ETS2: variants seen among roughly 807,000 people sequenced by gnomAD.
ETS2 encodes ETS proto-oncogene 2, transcription factor.
ETS2 carries 19 observed loss-of-function variants against 54.9 expected under a neutral mutation model. The ratio of observed to expected loss-of-function variants is 0.35; its 90% CI spans 0.24 to 0.51. ETS2 has a LOEUF of 0.51. Among genes scored for constraint, ETS2 ranks in the 20% least tolerant of loss-of-function variants. ETS2 has a pLI of 0.97. For synonymous variants in ETS2, 219 were observed against 229.3 expected (o/e 0.95, Z 0.41); for missense variants, 417 against 593.0 (o/e 0.70, Z 3.08).
chr21:38,821,529 T>G lies in ETS2; in HGVS notation c.1076-57T>G. 8.3e-7 allele frequency: 1 copy of G among 1,207,532 alleles called. No homozygotes were observed. Among genetic ancestry groups the G allele is most frequent in the Non-Finnish European group, 1.2e-6 (1 of 810,880 alleles). 74.8% of individuals were successfully genotyped at this position (1,207,532 alleles called of 1,614,324 possible). A position where few individuals can be genotyped will look rare whatever the true frequency, so the allele number is the denominator to read the frequency against. The stretch of plus-strand genomic sequence containing the variant: ...ATGTACAATTAGGATGGTTAAAGAC[T>G]TGCTGTATTTTACATCTGTGAAAGG... On this transcript the variant is annotated intron_variant, in intron 8 of 9. Coordinates refer to ENST00000360938, the MANE Select transcript of ETS2 (RefSeq NM_005239.6). The surrounding 1 kb of genome is among the most constrained non-coding windows in gnomAD (Gnocchi z 4.2).
At chr21:38,817,780 G>A (rs1317374751) in intron 6 of ETS2, among the ~76,000 whole-genome samples, 1 of 152,140 alleles carries the variant, frequency 6.6e-6, no homozygotes, top group African/African-American at 2.4e-5. Flanking sequence ...GGTGGTGTTG[G>A]TCCGGCCCAG....
chr21:38,815,129 G>A (rs2060928065), intron 5 of ETS2, 148 bp downstream of exon 5: 2 of 687,196 alleles, frequency 2.9e-6, no homozygotes, highest in African/African-American at 1.8e-5. Context: ...ACTCAAGTGA[G>A]TCAGATATAT....
At position 38,822,771 on chromosome 21, in the gene ETS2, A is replaced by G; in HGVS notation, c.1292A>G (p.His431Arg). 1 of 1,614,206 alleles carries G rather than the reference A, an allele frequency of 6.2e-7. No homozygotes were observed. Among genetic ancestry groups the G allele is most frequent in the Non-Finnish European group, 8.5e-7 (1 of 1,180,038 alleles). The change falls in exon 10 of 10, where the codon CAC becomes CGC. Residue 431 changes from histidine (H) to arginine (R), a missense_variant. His to Arg is a conservative substitution (Grantham distance 29). Around this residue, in one of 3 missense-constraint regions of ETS2, gnomAD observed 60 missense variants for 134.1 expected, o/e 0.45. Transcript: ENST00000360938. ...LRYYYDKNIIHKTSGKRYVYR... is the reference protein window; with the variant it reads ...LRYYYDKNIIRKTSGKRYVYR... ...TACTATTACGACAAGAACATCATCC[A>G]CAAGACGTCGGGGAAGCGCTACGTG...
intron 2 of ETS2, 128 bp from the exon 3 acceptor site, chr21:38,812,875 A>G (rs1223680145): frequency 6.2e-6 from 4 of 648,472 alleles, no homozygotes; most frequent in East Asian, 5.4e-5. Flanking sequence ...GGTTGATTCC[A>G]TGTTTGCTTC....
Position 38,813,073 on chromosome 21 carries a change from C to T in ETS2, c.143C>T (p.Thr48Ile). Residue 48 changes from threonine to isoleucine, a missense_variant, in exon 3 of 10, where the codon ACA (threonine) becomes ATA (isoleucine). Transcript: ENST00000360938. ...TTTCCTTCTCTAAATGAAGAGCAAACACTGCAAGAAGTGCCAACAGGCTTG... is the reference window on the plus strand; with the variant it reads ...TTTCCTTCTCTAAATGAAGAGCAAATACTGCAAGAAGTGCCAACAGGCTTG... ...AVFPSLNEEQ[T>I]LQEVPTGLDS... The T allele has an allele frequency of 6.2e-7, 1 of 1,613,918 alleles. No individual in the cohort carries two copies. The highest frequency in any genetic ancestry group is 8.5e-7 in the Non-Finnish European group (1 of 1,179,796).
At chr21:38,805,478 G>T, upstream of ETS2, 5 of 1,288,184 alleles carry the variant, frequency 3.9e-6, no homozygotes, top group Non-Finnish European at 5.1e-6. The surrounding 1 kb of genome is among the most constrained non-coding windows in gnomAD (Gnocchi z 5.2). Flanking sequence ...CAGAGAGGAC[G>T]CCGAGCGCTC....
chr21:38,806,415 G>T lies in ETS2; in HGVS notation c.-1+295G>T. 1.0e-6 allele frequency: 1 copy of T among 985,810 alleles called. No homozygotes were observed. The highest frequency in any genetic ancestry group is 1.2e-6 in the Non-Finnish European group (1 of 830,274). The allele number at this position is 985,810 out of a possible 1,614,324, so 61.1% of individuals were successfully genotyped here. On this transcript the variant is annotated intron_variant, in intron 1 of 9. Coordinates refer to ENST00000360938, the MANE Select transcript of ETS2 (RefSeq NM_005239.6). The surrounding 1 kb of genome is among the most constrained non-coding windows in gnomAD (Gnocchi z 4.3). ...GCCTAGCGGCGGGCGCGGCCAGGGCGCGCTGGCTTGTTTCGCTCGCTTTTG... is the reference window on the plus strand; with the variant it reads ...GCCTAGCGGCGGGCGCGGCCAGGGCTCGCTGGCTTGTTTCGCTCGCTTTTG...
chr21:38,821,592 G>C lies in ETS2; in HGVS notation c.1082G>C (p.Gly361Ala). 6.2e-7 allele frequency: 1 copy of C among 1,611,460 alleles called. No individual in the cohort carries two copies. Among genetic ancestry groups the C allele is most frequent in the Non-Finnish European group, 8.5e-7 (1 of 1,177,534 alleles). The stretch of plus-strand genomic sequence containing the variant: ...TCCCTCCCTCTCCCCGCAGGAAGTG[G>C]ACCTATTCAGCTGTGGCAGTTTCTC... The part of the protein sequence containing the change: ...AAVLAGFTGS[G>A]PIQLWQFLLE... The change falls in exon 9 of 10, where the codon GGA becomes GCA. Residue 361 changes from glycine to alanine, a missense_variant. This residue lies in a region of ETS2 where 60 missense variants were observed against 134.1 expected (regional missense o/e 0.45). Transcript: ENST00000360938. The surrounding 1 kb of genome is among the most constrained non-coding windows in gnomAD (Gnocchi z 4.2).
upstream of ETS2, chr21:38,805,745 C>A: frequency 1.2e-6 from 1 of 847,284 alleles, no homozygotes; most frequent in Non-Finnish European, 1.6e-6. This position sits in a 1 kb window ranked among gnomAD's most constrained non-coding sequence, Gnocchi z 5.2. Context: ...CTTCCCTCTC[C>A]TCCCGCTTCT....
At chr21:38,815,032 G>T in intron 5 of ETS2, 51 bp downstream of exon 5, 1 of 1,577,234 alleles carries the variant, frequency 6.3e-7, no homozygotes, top group Non-Finnish European at 8.7e-7. Flanking sequence ...CTGTGGCCGG[G>T]AAGACTGATT....
At chr21:38,811,473 C>T (rs997863336) in intron 2 of ETS2, among the ~76,000 whole-genome samples, 1 of 152,144 alleles carries the variant, frequency 6.6e-6, no homozygotes, top group East Asian at 1.9e-4. Flanking sequence ...AAAAAGAAAG[C>T]GGGTAACCGA....
chr21:38,814,419 CTGGGTGAGAAGAACCAACTTCAGTGCAG>C lies in ETS2; in HGVS notation c.304+29_304+56del. ...TAAGTACTGCTTTCCTGAGCCTGCA[CTGGGTGAGAAGAACCAACTTCAGTGCAG>C]TTGTTTGATCTTGACTTGTTTATTA... On this transcript the variant is annotated intron_variant, in intron 4 of 9. Transcript: ENST00000360938. The surrounding 1 kb of genome is among the most constrained non-coding windows in gnomAD (Gnocchi z 4.2). 1.2e-6 allele frequency: 2 copies of C among 1,612,624 alleles called. No homozygotes were observed. Among genetic ancestry groups the C allele is most frequent in the African/African-American group, 2.7e-5 (2 of 74,982 alleles).
rs1198556049 is a variant in ETS2 at position 38,806,139 on chromosome 21, G to C, written c.-1+19G>C. The C allele has an allele frequency of 9.9e-7, 1 of 1,010,458 alleles. No homozygotes were observed. The highest frequency in any genetic ancestry group is 1.2e-6 in the Non-Finnish European group (1 of 845,344). The allele number at this position is 1,010,458 out of a possible 1,614,324, so 62.6% of individuals were successfully genotyped here. On this transcript the variant is annotated intron_variant, in intron 1 of 9. Coordinates refer to ENST00000360938, the MANE Select transcript of ETS2 (RefSeq NM_005239.6). This position sits in a 1 kb window ranked among gnomAD's most constrained non-coding sequence, Gnocchi z 4.3. ...CGGCAGGGTAAGAGCTGGGCCCGCA[G>C]AGAGCGCCCGGCGCGCGGCTCCAGT...
At chr21:38,810,209 C>G (rs2060908917) in intron 2 of ETS2, 103 bp downstream of exon 2, 1 of 655,180 alleles carries the variant, frequency 1.5e-6, no homozygotes, top group Non-Finnish European at 2.5e-6. Context: ...GTAGCCCTAG[C>G]TTCTTAATTT....
Position 38,818,472 on chromosome 21 carries a change from C to T in ETS2, c.637C>T (p.Pro213Ser), listed in dbSNP as rs753494319. ...CTATGGAATGCAGACACAGAATTAC[C>T]CCAAAGGCGGCCTCCTGGACAGCAT... ...APYGMQTQNY[P>S]KGGLLDSMCP... Residue 213 changes from proline to serine, a missense_variant, in exon 7 of 10, where the codon CCC becomes TCC. Physicochemically the swap from Pro to Ser is moderately conservative, Grantham distance 74. Coordinates refer to ENST00000360938, the MANE Select transcript of ETS2 (RefSeq NM_005239.6). 2.5e-6 allele frequency: 4 copies of T among 1,614,104 alleles called. No individual in the cohort carries two copies. In the Admixed American group the frequency reaches 5.0e-5, roughly 20 times the overall value.
At chr21:38,805,526 C>T (rs1035604104), upstream of ETS2, 75 of 1,287,204 alleles carry the variant, frequency 5.8e-5, 1 homozygote, top group African/African-American at 1.0e-3. The surrounding 1 kb of genome is among the most constrained non-coding windows in gnomAD (Gnocchi z 5.2). Flanking sequence ...GGCGCACACT[C>T]GCGCGCACGT....
In ETS2 at chr21:38,814,810, T is replaced by G. The variant is rs760783079; in HGVS notation, c.334T>G (p.Cys112Gly). The change falls in exon 5 of 10, where the codon TGC (cysteine) becomes GGC (glycine). Residue 112 changes from cysteine (C) to glycine (G), a missense_variant. Coordinates refer to ENST00000360938, the MANE Select transcript of ETS2 (RefSeq NM_005239.6). This position sits in a 1 kb window ranked among gnomAD's most constrained non-coding sequence, Gnocchi z 4.2. ...CTGGCTGTGGAGTGAGCAACAGGTA[T>G]GCCAGTGGCTTCTCTGGGCCACCAA... ...NPWLWSEQQVCQWLLWATNEF... is the reference protein window; with the variant it reads ...NPWLWSEQQVGQWLLWATNEF... The G allele has an allele frequency of 1.2e-6, 2 of 1,614,110 alleles. No individual in the cohort carries two copies. The highest frequency in any genetic ancestry group is 1.7e-5 in the Admixed American group (1 of 60,012).
intron 8 of ETS2, among the ~76,000 whole-genome samples, chr21:38,820,557 G>A (rs535049912): frequency 6.6e-5 from 10 of 152,334 alleles, no homozygotes; most frequent in Admixed American, 3.3e-4. Flanking sequence ...TAACGTTAGT[G>A]TGGTTCATTT....
At chr21:38,811,209 G>C (rs757453672) in intron 2 of ETS2, among the ~76,000 whole-genome samples, 1 of 151,988 alleles carries the variant, frequency 6.6e-6, no homozygotes. Flanking sequence ...AAGAATTTAC[G>C]GTTAGGAAAG....
Sources: gnomAD v4.1 joint callset for allele counts (sites outside exome capture counted in the v4.1 genomes callset) on GRCh38, gnomAD v4.1.1 for gene constraint, gnomAD v4.1.1 regional missense constraint, Gnocchi (gnomAD v3.1) non-coding constraint, MANE v1.5 for transcripts, NCBI Gene and HGNC (gene_info 2026-07-23, HGNC 2026-07-21) for gene names.